The following SPTSSA variants were observed in gnomAD, a reference collection of about 807,000 sequenced individuals.
The protein encoded by SPTSSA is small subunit of serine palmitoyltransferase A.
Under a neutral mutation model 9.1 loss-of-function variants are expected in SPTSSA, and 8 were observed. The ratio of observed to expected loss-of-function variants is 0.88; its 90% CI spans 0.51 to 1.58. SPTSSA has a LOEUF of 1.58. Among genes scored for constraint, SPTSSA ranks in the 40% most tolerant of loss-of-function variants. The probability of loss-of-function intolerance (pLI) is 0.00; values close to 1 mark genes in which losing one functional copy is unlikely to be tolerated. For missense variants in SPTSSA, 100 were observed against 93.8 expected, an observed-to-expected ratio of 1.07 and a Z score of -0.27; for synonymous variants, 42 against 37.7, an observed-to-expected ratio of 1.11 and a Z score of -0.41.
At chr14:34,445,782 T>C (rs1478292849) in intron 1 of SPTSSA, among the ~76,000 whole-genome samples, 2 of 152,226 alleles carry the variant, frequency 1.3e-5, no homozygotes, top group African/African-American at 4.8e-5. Flanking sequence ...CAAAATTGTA[T>C]GGGATTTCTA....
chr14:34,447,005 C>T (rs1019235127), intron 1 of SPTSSA, among the ~76,000 whole-genome samples: 8 of 151,998 alleles, frequency 5.3e-5, no homozygotes, highest in African/African-American at 1.9e-4. Context: ...AGGTGGATTA[C>T]CTGAGGTCAG....
At chr14:34,446,940 T>C (rs1044841261) in intron 1 of SPTSSA, among the ~76,000 whole-genome samples, 1 of 152,058 alleles carries the variant, frequency 6.6e-6, no homozygotes, top group Non-Finnish European at 1.5e-5. Context: ...GACCACTTAC[T>C]CAGCTGGGCG....
chr14:34,450,431 G>A (rs1182105763), intron 1 of SPTSSA, among the ~76,000 whole-genome samples: 1 of 152,150 alleles, frequency 6.6e-6, no homozygotes, highest in African/African-American at 2.4e-5. Context: ...AAGAAAAAAT[G>A]TAAAAATTAA....
At chr14:34,435,377 C>T in intron 1 of SPTSSA, 73 bp from the exon 2 acceptor site, 2 of 1,062,098 alleles carry the variant, frequency 1.9e-6, no homozygotes, top group Non-Finnish European at 2.8e-6. Context: ...TTCAACAACT[C>T]TTTTATGCTG....
At chr14:34,441,753 G>A (rs1298847381) in intron 1 of SPTSSA, among the ~76,000 whole-genome samples, 1 of 152,102 alleles carries the variant, frequency 6.6e-6, no homozygotes, top group African/African-American at 2.4e-5. Flanking sequence ...TCTGGCCATG[G>A]CCAGTGAAAC....
intron 1 of SPTSSA, among the ~76,000 whole-genome samples, chr14:34,454,168 G>A (rs934967764): frequency 3.9e-5 from 6 of 151,948 alleles, no homozygotes; most frequent in Admixed American, 6.6e-5. Context: ...CTGGGCAACA[G>A]AGCAAGACCC....
chr14:34,436,466 TTC>T (rs1002236233), intron 1 of SPTSSA, among the ~76,000 whole-genome samples: 5 of 152,086 alleles, frequency 3.3e-5, no homozygotes, highest in Admixed American at 2.6e-4. Flanking sequence ...ATTCTCATTC[TTC>T]TCTCTCTCTC....
intron 1 of SPTSSA, among the ~76,000 whole-genome samples, chr14:34,446,986 G>A (rs1883432152): frequency 6.6e-6 from 1 of 151,908 alleles, no homozygotes; most frequent in Admixed American, 6.6e-5. Context: ...CACTTTGAGA[G>A]GCCGAGGCAG....
At chr14:34,456,141 T>C (rs991394310) in intron 1 of SPTSSA, among the ~76,000 whole-genome samples, 1 of 151,852 alleles carries the variant, frequency 6.6e-6, no homozygotes, top group Non-Finnish European at 1.5e-5. Context: ...GCTAACATGG[T>C]GAAACCCCGT....
At chr14:34,443,163 G>GTT in intron 1 of SPTSSA, among the ~76,000 whole-genome samples, 1 of 91,160 alleles carries the variant, frequency 1.1e-5, no homozygotes, top group Non-Finnish European at 2.0e-5. Context: ...GTGTGTGTGT[G>GTT]TGTGTGTGTT....
At chr14:34,451,298 CTAAATAATT>C (rs1414504499) in intron 1 of SPTSSA, among the ~76,000 whole-genome samples, 4 of 152,034 alleles carry the variant, frequency 2.6e-5, no homozygotes, top group Non-Finnish European at 2.9e-5. Flanking sequence ...CTTCACTAGT[CTAAATAATT>C]TCAATTATTT....
intron 1 of SPTSSA, among the ~76,000 whole-genome samples, chr14:34,443,198 GGTGTGT>G (rs76985104): frequency 0.013 from 145 of 11,474 alleles, 17 homozygotes; most frequent in South Asian, 0.039. Context: ...TCCTCTAGGG[GGTGTGT>G]GTGTGTGTGT....
intron 1 of SPTSSA, among the ~76,000 whole-genome samples, chr14:34,447,495 A>G (rs1883441510): frequency 6.6e-6 from 1 of 152,174 alleles, no homozygotes. Context: ...GAGCTGAAGG[A>G]AATGTGCAAC....
rs547383950 is a variant in SPTSSA, at chr14:34,433,285, G to A, written c.*1916C>T. Reference sequence around the variant, plus strand: ...ACAAATTGCCGGTTTCTGAGTAGAGGGCCAGGATAGGTCACCTGGATACTC... The same window carrying A: ...ACAAATTGCCGGTTTCTGAGTAGAGAGCCAGGATAGGTCACCTGGATACTC... On this transcript the variant is annotated 3_prime_UTR_variant, in exon 2 of 2. Transcript: ENST00000298130. 6.6e-6 allele frequency: 1 copy of A among 152,168 alleles called. No homozygotes were observed. Among genetic ancestry groups the A allele is most frequent in the African/African-American group, 2.4e-5 (1 of 41,528 alleles). 9.4% of individuals were successfully genotyped at this position (152,168 alleles called of 1,614,324 possible).
chr14:34,446,652 C>T (rs895884980), intron 1 of SPTSSA, among the ~76,000 whole-genome samples: 1 of 152,132 alleles, frequency 6.6e-6, no homozygotes, highest in African/African-American at 2.4e-5. Flanking sequence ...GGAGGCCTTC[C>T]CTCTTCTAGA....
At chr14:34,457,329 G>C (rs1395797143) in intron 1 of SPTSSA, among the ~76,000 whole-genome samples, 5 of 152,228 alleles carry the variant, frequency 3.3e-5, no homozygotes, top group African/African-American at 1.2e-4. Context: ...AGGTACTTCA[G>C]GGCGTGTCTC....
At chr14:34,445,159 C>CT (rs911276522) in intron 1 of SPTSSA, among the ~76,000 whole-genome samples, 24 of 151,612 alleles carry the variant, frequency 1.6e-4, no homozygotes, top group Middle Eastern at 3.4e-3. Context: ...GTAGAAAAAA[C>CT]TTTTTTTTTC....
intron 1 of SPTSSA, among the ~76,000 whole-genome samples, chr14:34,460,099 C>G (rs879327310): frequency 1.3e-5 from 2 of 152,088 alleles, no homozygotes; most frequent in Admixed American, 1.3e-4. Flanking sequence ...TTCCACCAAG[C>G]TAAAATGAGG....
chr14:34,441,452 AGT>A (rs1883314813), intron 1 of SPTSSA, among the ~76,000 whole-genome samples: 4 of 152,154 alleles, frequency 2.6e-5, no homozygotes, highest in Admixed American at 2.6e-4. Context: ...TAAATTGTGG[AGT>A]GTACTTTCAT....
Sources: allele counts gnomAD v4.1 joint callset (sites outside exome capture counted in the v4.1 genomes callset), GRCh38; gene constraint gnomAD v4.1.1; transcripts MANE v1.5; gene names NCBI Gene and HGNC (gene_info 2026-07-23, HGNC 2026-07-21).